KSR2: variants seen among roughly 807,000 people sequenced by gnomAD.
The protein encoded by KSR2 is kinase suppressor of ras 2.
KSR2 carries 25 observed loss-of-function variants against 107.8 expected under a neutral mutation model. The ratio of observed to expected loss-of-function variants is 0.23; its 90% CI spans 0.17 to 0.32. KSR2 has a LOEUF of 0.32. Among genes scored for constraint, KSR2 ranks in the 10% least tolerant of loss-of-function variants. The probability of loss-of-function intolerance (pLI) is 1.00; values close to 1 mark genes in which losing one functional copy is unlikely to be tolerated. For synonymous variants in KSR2, 480 were observed against 507.0 expected (o/e 0.95, Z 0.71); for missense variants, 887 against 1,268.9 (o/e 0.70, Z 4.57).
At chr12:117,840,270 G>A (rs987513834) in intron 3 of KSR2, among the ~76,000 whole-genome samples, 9 of 151,996 alleles carry the variant, frequency 5.9e-5, no homozygotes, top group Non-Finnish European at 1.0e-4. Context: ...GCTAATTTTT[G>A]TATTTTTAGT....
intron 7 of KSR2, among the ~76,000 whole-genome samples, chr12:117,574,531 C>T (rs1879142165): frequency 6.6e-6 from 1 of 152,102 alleles, no homozygotes; most frequent in Admixed American, 6.5e-5. Context: ...GGGGTTTCCC[C>T]TCATAAAACC....
chr12:117,891,924 C>T (rs537579017), intron 1 of KSR2, among the ~76,000 whole-genome samples: 2 of 152,134 alleles, frequency 1.3e-5, no homozygotes, highest in East Asian at 3.9e-4. Flanking sequence ...CACTTGAGCC[C>T]GGGAGGCTGA....
chr12:117,908,319 T>C (rs1705882253), intron 1 of KSR2, among the ~76,000 whole-genome samples: 1 of 151,992 alleles, frequency 6.6e-6, no homozygotes, highest in African/African-American at 2.4e-5. Flanking sequence ...TGGATTACAT[T>C]GTAGAACCCA....
intron 8 of KSR2, among the ~76,000 whole-genome samples, chr12:117,558,031 C>T (rs1565899558): frequency 6.6e-6 from 1 of 152,172 alleles, no homozygotes; most frequent in African/African-American, 2.4e-5. Context: ...GACCCAGACA[C>T]TCCTAGGGCC....
intron 3 of KSR2, among the ~76,000 whole-genome samples, chr12:117,793,134 ACT>A (rs1404135685): frequency 6.1e-4 from 84 of 138,452 alleles, no homozygotes; most frequent in African/African-American, 2.3e-3. Flanking sequence ...GCACACACAC[ACT>A]AACATGCATA....
chr12:117,533,863 C>A (rs1033674029), intron 10 of KSR2, among the ~76,000 whole-genome samples: 2 of 152,200 alleles, frequency 1.3e-5, no homozygotes, highest in African/African-American at 4.8e-5. Flanking sequence ...GAAGCCAACG[C>A]CCTCCTTGAC....
At chr12:117,676,790 C>T (rs1885140256) in intron 4 of KSR2, among the ~76,000 whole-genome samples, 1 of 152,172 alleles carries the variant, frequency 6.6e-6, no homozygotes, top group Non-Finnish European at 1.5e-5. Flanking sequence ...CGATTTTACT[C>T]CCAGGCCTGT....
At chr12:117,826,655 C>T (rs1339254260) in intron 3 of KSR2, among the ~76,000 whole-genome samples, 2 of 152,018 alleles carry the variant, frequency 1.3e-5, no homozygotes, top group African/African-American at 2.4e-5. Context: ...CTGACATTAG[C>T]AGATGCAGGT....
chr12:117,589,822 C>A (rs116861805), intron 5 of KSR2, among the ~76,000 whole-genome samples: 1 of 152,168 alleles, frequency 6.6e-6, no homozygotes, highest in Non-Finnish European at 1.5e-5. Context: ...TGCTTCAGGG[C>A]CAAGTGCTTC....
chr12:117,820,443 A>C (rs553297955), intron 3 of KSR2, among the ~76,000 whole-genome samples: 2 of 152,364 alleles, frequency 1.3e-5, no homozygotes, highest in Admixed American at 6.5e-5. Flanking sequence ...AGACCTGCGG[A>C]TCGTTTTCAG....
At chr12:117,762,707 A>C (rs1361219067) in intron 3 of KSR2, among the ~76,000 whole-genome samples, 1 of 151,728 alleles carries the variant, frequency 6.6e-6, no homozygotes, top group South Asian at 2.1e-4. Context: ...TCTACTAAAA[A>C]TACAAAAAAA....
chr12:117,679,777 C>T (rs1455783088), intron 4 of KSR2, among the ~76,000 whole-genome samples: 1 of 152,116 alleles, frequency 6.6e-6, no homozygotes, highest in African/African-American at 2.4e-5. Flanking sequence ...CTGAACTGGG[C>T]AGCTCTAGCC....
intron 4 of KSR2, among the ~76,000 whole-genome samples, chr12:117,708,190 C>T (rs1040683671): frequency 6.6e-6 from 1 of 152,214 alleles, no homozygotes; most frequent in African/African-American, 2.4e-5. Flanking sequence ...GGATCCATGG[C>T]TTTAATTAAA....
At chr12:117,782,872 C>A (rs2136949221) in intron 3 of KSR2, among the ~76,000 whole-genome samples, 1 of 152,270 alleles carries the variant, frequency 6.6e-6, no homozygotes, top group Non-Finnish European at 1.5e-5. Flanking sequence ...ACCAGGACAT[C>A]TAGACCCCTC....
chr12:117,519,056 C>A (rs1222864475), intron 14 of KSR2, among the ~76,000 whole-genome samples: 3 of 152,248 alleles, frequency 2.0e-5, no homozygotes, highest in Non-Finnish European at 2.9e-5. Flanking sequence ...ACTGTAGACA[C>A]TGTGTTCTGA....
chr12:117,555,035 A>G, intron 9 of KSR2, 134 bp downstream of exon 9: 1 of 1,044,352 alleles, frequency 9.6e-7, no homozygotes, highest in Non-Finnish European at 1.4e-6. Context: ...CTCAACACAA[A>G]CATCACAGAA....
At chr12:117,955,212 C>G (rs1481969219) in intron 1 of KSR2, among the ~76,000 whole-genome samples, 2 of 151,878 alleles carry the variant, frequency 1.3e-5, no homozygotes, top group African/African-American at 4.8e-5. Flanking sequence ...GCCTCAATCT[C>G]CCTGGGCTCA....
At chr12:117,747,358 T>C (rs959808686) in intron 4 of KSR2, among the ~76,000 whole-genome samples, 2 of 147,420 alleles carry the variant, frequency 1.4e-5, no homozygotes, top group African/African-American at 5.0e-5. Context: ...CCACATGTTC[T>C]CACTCATACG....
chr12:117,963,051 G>A (rs111246699), intron 1 of KSR2, among the ~76,000 whole-genome samples: 47,812 of 151,440 alleles, frequency 0.32, 9,040 homozygotes, highest in African/African-American at 0.53. Flanking sequence ...TTAGCCAGGC[G>A]TGATGGTGCA....
Sources: gnomAD v4.1 joint callset for allele counts (sites outside exome capture counted in the v4.1 genomes callset) on GRCh38, gnomAD v4.1.1 for gene constraint, MANE v1.5 for transcripts, NCBI Gene and HGNC (gene_info 2026-07-23, HGNC 2026-07-21) for gene names.